The following TRHR variants were observed in gnomAD, a reference collection of about 807,000 sequenced individuals.
TRHR encodes thyrotropin releasing hormone receptor.
Under a neutral mutation model 28.0 loss-of-function variants are expected in TRHR, and 14 were observed. That is an observed-to-expected ratio of 0.50 (90% confidence interval 0.33 to 0.78). The LOEUF is 0.78. Ranked by LOEUF, TRHR falls within the 30% of genes least tolerant of loss-of-function variation. TRHR has a pLI of 0.02. For synonymous variants in TRHR, 176 were observed against 171.9 expected (o/e 1.02, Z -0.18); for missense variants, 438 against 469.5 (o/e 0.93, Z 0.62).
chr8:109,095,862 T>C (rs1811580881), intron 2 of TRHR, among the ~76,000 whole-genome samples: 1 of 149,432 alleles, frequency 6.7e-6, no homozygotes, highest in South Asian at 2.2e-4. Context: ...AATAGCCACA[T>C]CCTAGTGATT....
intron 2 of TRHR, among the ~76,000 whole-genome samples, chr8:109,110,693 C>T (rs180838687): frequency 7.3e-4 from 111 of 152,266 alleles, no homozygotes; most frequent in Admixed American, 6.9e-3. Context: ...TGTCAGTCCA[C>T]GGTCTTCCCA....
chr8:109,094,351 A>G (rs1811558153), intron 2 of TRHR, among the ~76,000 whole-genome samples: 1 of 151,930 alleles, frequency 6.6e-6, no homozygotes, highest in Admixed American at 6.6e-5. Flanking sequence ...TCTTGAGTTC[A>G]AGAAATCATC....
At position 109,087,885 on chromosome 8, in the gene TRHR, A is replaced by G; in HGVS notation, c.373A>G (p.Ile125Val). 1 of 1,614,222 alleles carries G rather than the reference A, an allele frequency of 6.2e-7. No homozygotes were observed. The highest frequency in any genetic ancestry group is 1.3e-5 in the African/African-American group (1 of 75,060). ...SITAFTIERYIAICHPIKAQF... is the reference protein window; with the variant it reads ...SITAFTIERYVAICHPIKAQF... ...AACAGCCTTTACCATTGAGAGGTAC[A>G]TAGCAATCTGTCACCCCATCAAAGC... Residue 125 changes from isoleucine to valine, a missense_variant, in exon 2 of 3, where the codon ATA (isoleucine) becomes GTA (valine). Coordinates refer to ENST00000518632, the MANE Select transcript of TRHR (RefSeq NM_003301.7).
At chr8:109,104,509 A>G (rs1226824285) in intron 2 of TRHR, among the ~76,000 whole-genome samples, 1 of 152,128 alleles carries the variant, frequency 6.6e-6, no homozygotes, top group Non-Finnish European at 1.5e-5. Context: ...CCAATATTTT[A>G]TATTTATTGC....
At chr8:109,110,678 G>A (rs1442880865) in intron 2 of TRHR, among the ~76,000 whole-genome samples, 1 of 152,110 alleles carries the variant, frequency 6.6e-6, no homozygotes, top group Non-Finnish European at 1.5e-5. Flanking sequence ...GCACAACACA[G>A]AGTATGTCAG....
Position 109,119,392 on chromosome 8 carries a change from T to C in TRHR, c.1134T>C (p.Ser378=), listed in dbSNP as rs765526025. Residue 378 remains serine (S), a synonymous_variant, in exon 3 of 3, where the codon TCT becomes TCC. Transcript: ENST00000518632. ...DDITVTDTYL[S]ATKVSFDDTC... ...TCACTGTCACTGACACTTACCTGTC[T>C]GCCACAAAAGTGTCTTTTGATGACA... The C allele has an allele frequency of 6.8e-6, 11 of 1,612,498 alleles. No homozygotes were observed. In the Admixed American group the frequency reaches 1.5e-4, roughly 22 times the overall value.
chr8:109,103,507 G>C (rs1189608168), intron 2 of TRHR, among the ~76,000 whole-genome samples: 1 of 152,154 alleles, frequency 6.6e-6, no homozygotes, highest in Admixed American at 6.6e-5. Context: ...TCATGTGCAA[G>C]TATAGTGGCT....
chr8:109,115,777 T>A (rs951926603), intron 2 of TRHR, among the ~76,000 whole-genome samples: 2 of 152,074 alleles, frequency 1.3e-5, no homozygotes, highest in African/African-American at 4.8e-5. Flanking sequence ...CTTCCTCTTT[T>A]CCTAATTGAA....
chr8:109,087,440 G>A lies in TRHR; in HGVS notation c.-73G>A. On this transcript the variant is annotated 5_prime_UTR_variant, in exon 2 of 3. Coordinates refer to ENST00000518632, the MANE Select transcript of TRHR (RefSeq NM_003301.7). ...CCCTTCACAGGGGGATGGAACTGCT[G>A]CAATAAAGGTGGGCGCTGGAAAGAA... The A allele has an allele frequency of 6.5e-7, 1 of 1,534,506 alleles. No homozygotes were observed. The highest frequency in any genetic ancestry group is 9.0e-7 in the Non-Finnish European group (1 of 1,115,358).
chr8:109,089,270 T>C (rs1811489922), intron 2 of TRHR, among the ~76,000 whole-genome samples: 1 of 151,766 alleles, frequency 6.6e-6, no homozygotes. Context: ...AAAAGAAATC[T>C]AAACTTGAAA....
chr8:109,097,291 T>C (rs1251403726), intron 2 of TRHR, among the ~76,000 whole-genome samples: 1 of 152,168 alleles, frequency 6.6e-6, no homozygotes, highest in African/African-American at 2.4e-5. Flanking sequence ...CCTAGGTGAC[T>C]AATTTTCCTC....
intron 2 of TRHR, among the ~76,000 whole-genome samples, chr8:109,107,123 C>T (rs866785120): frequency 3.3e-5 from 5 of 152,012 alleles, no homozygotes; most frequent in Non-Finnish European, 5.9e-5. Flanking sequence ...CTCAGAAATA[C>T]GATAAAAGTT....
chr8:109,091,732 C>T (rs556054380), intron 2 of TRHR, among the ~76,000 whole-genome samples: 1 of 152,198 alleles, frequency 6.6e-6, no homozygotes, highest in East Asian at 1.9e-4. Context: ...TTCAGAGATT[C>T]AATTATATTT....
Position 109,119,592 on chromosome 8 carries a change from C to T in TRHR, c.*137C>T. On this transcript the variant is annotated 3_prime_UTR_variant, in exon 3 of 3. Coordinates refer to ENST00000518632, the MANE Select transcript of TRHR (RefSeq NM_003301.7). ...TGTCAATGCTCTAACAAATTCTGGC[C>T]CTAGATACTTTAACCCATGAGGATG... is the stretch of plus-strand genomic sequence containing the variant. 1 of 1,028,174 alleles carries T rather than the reference C, an allele frequency of 9.7e-7. No homozygotes were observed. Among genetic ancestry groups the T allele is most frequent in the Non-Finnish European group, 1.4e-6 (1 of 704,672 alleles). 63.7% of individuals were successfully genotyped at this position (1,028,174 alleles called of 1,614,324 possible).
rs1226686524 is a variant in TRHR, at chr8:109,088,284, G to A, written c.772G>A (p.Val258Ile). Residue 258 changes from valine to isoleucine, a missense_variant, in exon 2 of 3, where the codon GTA becomes ATA. Physicochemically the swap from Val to Ile is conservative, Grantham distance 29 (BLOSUM62 3). Coordinates refer to ENST00000518632, the MANE Select transcript of TRHR (RefSeq NM_003301.7). ...CTCTAATAGATGTTTCAACAGCACA[G>A]TATCTTCAAGGAAGCAGGTAAGCAA... ...NTSNRCFNSTVSSRKQVTKML... is the reference protein window; with the variant it reads ...NTSNRCFNSTISSRKQVTKML... 1.2e-6 allele frequency: 2 copies of A among 1,613,600 alleles called. No homozygotes were observed. The highest frequency in any genetic ancestry group is 2.2e-5 in the East Asian group (1 of 44,874).
chr8:109,088,203 T>C lies in TRHR; in HGVS notation c.691T>C (p.Ser231Pro). 2 of 1,614,128 alleles carry C rather than the reference T, an allele frequency of 1.2e-6. No homozygotes were observed. Among genetic ancestry groups the C allele is most frequent in the Non-Finnish European group, 1.7e-6 (2 of 1,180,016 alleles). ...CATTCCTTCAGATCCTAAAGAAAACTCTAAGACATGGAAAAATGATTCAAC... is the reference window on the plus strand; with the variant it reads ...CATTCCTTCAGATCCTAAAGAAAACCCTAAGACATGGAAAAATGATTCAAC... ...NPIPSDPKEN[S>P]KTWKNDSTHQ... The change falls in exon 2 of 3, where the codon TCT becomes CCT. Residue 231 changes from serine (S) to proline (P), a missense_variant. Physicochemically the swap from Ser to Pro is moderately conservative, Grantham distance 74. Coordinates refer to ENST00000518632, the MANE Select transcript of TRHR (RefSeq NM_003301.7).
chr8:109,105,438 T>C (rs1259204947), intron 2 of TRHR, among the ~76,000 whole-genome samples: 2 of 152,172 alleles, frequency 1.3e-5, no homozygotes, highest in Non-Finnish European at 1.5e-5. Flanking sequence ...TCCACAAAAA[T>C]ATGTTGAATA....
intron 2 of TRHR, among the ~76,000 whole-genome samples, chr8:109,114,252 A>T (rs1471511050): frequency 1.3e-5 from 2 of 151,980 alleles, no homozygotes; most frequent in African/African-American, 4.8e-5. Context: ...GTTCTCACCT[A>T]CCCTTTTCCT....
intron 2 of TRHR, among the ~76,000 whole-genome samples, chr8:109,093,441 C>T (rs1371181839): frequency 6.8e-6 from 1 of 146,104 alleles, no homozygotes; most frequent in African/African-American, 2.5e-5. Flanking sequence ...GAGTCTCACC[C>T]TGTCACCAGG....
Sources: allele counts gnomAD v4.1 joint callset (sites outside exome capture counted in the v4.1 genomes callset), GRCh38; gene constraint gnomAD v4.1.1; transcripts MANE v1.5; gene names NCBI Gene and HGNC (gene_info 2026-07-23, HGNC 2026-07-21).